TMCC1: variants seen among roughly 807,000 people sequenced by gnomAD.
TMCC1 encodes the protein transmembrane and coiled-coil domain family 1, also known as transmembrane and coiled-coil domains protein 1.
A neutral mutation model predicts 52.4 loss-of-function variants in TMCC1; 15 were observed. That is an observed-to-expected ratio of 0.29 (90% CI 0.19 to 0.44). TMCC1 has a LOEUF of 0.44. TMCC1 is among the 20% of genes least tolerant of loss of function. The pLI, the probability that TMCC1 is intolerant of heterozygous loss-of-function variation, is 1.00. For missense variants in TMCC1, 503 were observed against 806.0 expected (o/e 0.62, Z 4.55); for synonymous variants, 279 against 301.9 (o/e 0.92, Z 0.79).
intron 4 of TMCC1, among the ~76,000 whole-genome samples, chr3:129,674,801 C>T (rs2088260809): frequency 6.6e-6 from 1 of 152,156 alleles, no homozygotes; most frequent in African/African-American, 2.4e-5. Context: ...CCTTTGCTGG[C>T]ATATTAGGCT....
rs1303471145 is a variant in TMCC1 at position 129,648,890 on chromosome 3, A to C, written c.*2591T>G. On this transcript the variant is annotated 3_prime_UTR_variant, in exon 7 of 7. Transcript: ENST00000393238. Reference sequence around the variant, plus strand: ...AAACAGATGCATGGTTACAAACAGCATTAAATGCGTACAACTTCTGGGTCT... The same window carrying C: ...AAACAGATGCATGGTTACAAACAGCCTTAAATGCGTACAACTTCTGGGTCT... 1 of 152,252 alleles carries C rather than the reference A, an allele frequency of 6.6e-6. No homozygotes were observed. The highest frequency in any genetic ancestry group is 1.5e-5 in the Non-Finnish European group (1 of 68,058). 9.4% of individuals were successfully genotyped at this position (152,252 alleles called of 1,614,324 possible). A position where few individuals can be genotyped will look rare whatever the true frequency, so the allele number is the denominator to read the frequency against.
At chr3:129,679,759 T>A (rs141384417) in intron 4 of TMCC1, among the ~76,000 whole-genome samples, 116 of 152,338 alleles carry the variant, frequency 7.6e-4, no homozygotes, top group African/African-American at 2.7e-3. Context: ...GATATTTTTG[T>A]GTTTTGTCCA....
At chr3:129,775,990 AC>A (rs961317212) in intron 4 of TMCC1, among the ~76,000 whole-genome samples, 3 of 150,044 alleles carry the variant, frequency 2.0e-5, no homozygotes, top group African/African-American at 7.4e-5. Flanking sequence ...AATTACTCTC[AC>A]ATTAAGCCTC....
intron 4 of TMCC1, among the ~76,000 whole-genome samples, chr3:129,801,576 T>C (rs985928057): frequency 5.9e-5 from 9 of 152,206 alleles, no homozygotes; most frequent in Middle Eastern, 3.4e-3. Flanking sequence ...ATTCTCCTGC[T>C]TCAGCCTCCT....
chr3:129,887,704 A>C (rs569282250), intron 1 of TMCC1, among the ~76,000 whole-genome samples: 3 of 152,194 alleles, frequency 2.0e-5, no homozygotes, highest in Non-Finnish European at 4.4e-5. Context: ...AGGCAAAACT[A>C]TAGAGACAGT....
intron 4 of TMCC1, among the ~76,000 whole-genome samples, chr3:129,718,555 C>T (rs755205256): frequency 9.4e-4 from 143 of 152,102 alleles, no homozygotes; most frequent in Non-Finnish European, 1.6e-3. Context: ...GAAGTGCTCC[C>T]AAGAAGCAGA....
intron 4 of TMCC1, among the ~76,000 whole-genome samples, chr3:129,682,482 G>T (rs532407235): frequency 4.7e-4 from 71 of 152,008 alleles, no homozygotes; most frequent in African/African-American, 1.7e-3. Flanking sequence ...AGATAATAGG[G>T]TTTCTGTAGG....
chr3:129,738,508 A>G (rs2051176605), intron 4 of TMCC1, among the ~76,000 whole-genome samples: 1 of 137,458 alleles, frequency 7.3e-6, no homozygotes, highest in Admixed American at 7.1e-5. Flanking sequence ...GACTTGTAAA[A>G]TTTATTTGTT....
At chr3:129,756,832 T>C (rs527696927) in intron 4 of TMCC1, among the ~76,000 whole-genome samples, 2 of 152,284 alleles carry the variant, frequency 1.3e-5, no homozygotes, top group African/African-American at 2.4e-5. Context: ...TTGCCAGCAG[T>C]TGGTAGTGAG....
At chr3:129,844,588 C>A (rs1396363562) in intron 2 of TMCC1, among the ~76,000 whole-genome samples, 2 of 152,106 alleles carry the variant, frequency 1.3e-5, no homozygotes, top group Admixed American at 6.5e-5. Flanking sequence ...GTCTTCCCTG[C>A]CTCTCCCATC....
intron 4 of TMCC1, among the ~76,000 whole-genome samples, chr3:129,734,045 C>T (rs964300723): frequency 1.3e-5 from 2 of 152,048 alleles, no homozygotes; most frequent in Non-Finnish European, 2.9e-5. Flanking sequence ...CCAGTAAATC[C>T]ATTCCTAGGA....
In TMCC1 at chr3:129,655,093, A is replaced by G. The variant is rs2086583264; in HGVS notation, c.1522T>C (p.Leu508=). The G allele has an allele frequency of 6.2e-7, 1 of 1,613,574 alleles. No homozygotes were observed. The highest frequency in any genetic ancestry group is 8.5e-7 in the Non-Finnish European group (1 of 1,179,954). ...LQEERYRCER[L]EEQLNDLTEL... is the part of the protein sequence containing the mutation. ...GTTAGGTCATTTAGCTGTTCTTCCA[A>G]TCGTTCACATCTAAGGAGAAAAAAA... The change falls in exon 6 of 7, where the codon TTG becomes CTG. Residue 508 remains leucine, a synonymous_variant. Coordinates refer to ENST00000393238, the MANE Select transcript of TMCC1 (RefSeq NM_001017395.5).
In TMCC1 at chr3:129,710,973, C is replaced by T. The variant is rs1249542558; in HGVS notation, c.577-39709G>A. Among the ~76,000 whole-genome samples the T allele has an allele frequency of 5.9e-5, 9 of 152,338 alleles. No homozygotes were observed. In the East Asian group the frequency reaches 1.5e-3, roughly 26 times the overall value. ...TCCGCCTCCCAGTTCAAGCGATTCT[C>T]CTGCCTCAGCCTCCAGAGTAGCTGG... is the stretch of plus-strand genomic sequence containing the variant. On this transcript the variant is annotated intron_variant, in intron 4 of 6. Coordinates refer to ENST00000393238, the MANE Select transcript of TMCC1 (RefSeq NM_001017395.5).
chr3:129,676,740 C>CT (rs2088483238), intron 4 of TMCC1, among the ~76,000 whole-genome samples: 1 of 152,178 alleles, frequency 6.6e-6, no homozygotes, highest in Non-Finnish European at 1.5e-5. Context: ...TATCACCTTA[C>CT]TAGCTGTGTG....
chr3:129,679,930 T>C (rs1458964971), intron 4 of TMCC1, among the ~76,000 whole-genome samples: 2 of 152,216 alleles, frequency 1.3e-5, no homozygotes, highest in East Asian at 3.8e-4. Context: ...CCATTTATTG[T>C]ATCACCAAGA....
intron 4 of TMCC1, among the ~76,000 whole-genome samples, chr3:129,789,556 C>T (rs2056304907): frequency 6.6e-6 from 1 of 152,246 alleles, no homozygotes; most frequent in Non-Finnish European, 1.5e-5. Flanking sequence ...TCTCGGCTCA[C>T]TGCAAGCTCC....
Position 129,784,696 on chromosome 3 carries a change from C to T in TMCC1, c.576+43107G>A, listed in dbSNP as rs192601150. Reference sequence around the variant, plus strand: ...ATAAAAAAGGACAGTCAGCTAGACACGGTGGTTCGCACTTGTAATCCCAGC... The same window carrying T: ...ATAAAAAAGGACAGTCAGCTAGACATGGTGGTTCGCACTTGTAATCCCAGC... On this transcript the variant is annotated intron_variant, in intron 4 of 6. Coordinates refer to ENST00000393238, the MANE Select transcript of TMCC1 (RefSeq NM_001017395.5). Among the ~76,000 whole-genome samples, 556 of 149,458 alleles carry T rather than the reference C, an allele frequency of 3.7e-3. 5 individuals are homozygous for T. The highest frequency in any genetic ancestry group is 6.5e-3 in the Non-Finnish European group (435 of 67,220).
intron 4 of TMCC1, among the ~76,000 whole-genome samples, chr3:129,736,604 C>T (rs2050990237): frequency 6.6e-6 from 1 of 151,704 alleles, no homozygotes; most frequent in Non-Finnish European, 1.5e-5. Context: ...TCACTGCCAC[C>T]CCCACCTCCC....
At chr3:129,879,199 G>T (rs1300652916) in intron 2 of TMCC1, among the ~76,000 whole-genome samples, 1 of 152,184 alleles carries the variant, frequency 6.6e-6, no homozygotes, top group Admixed American at 6.5e-5. Flanking sequence ...CCTGGATTTT[G>T]GGAGGCCGAG....
Sources: allele counts gnomAD v4.1 joint callset (sites outside exome capture counted in the v4.1 genomes callset), GRCh38; gene constraint gnomAD v4.1.1; transcripts MANE v1.5; gene names NCBI Gene and HGNC (gene_info 2026-07-23, HGNC 2026-07-21).